Variants in FLT1 observed in about 807,000 individuals in gnomAD.
FLT1 encodes fms related receptor tyrosine kinase 1.
Under a neutral mutation model 156.3 loss-of-function variants are expected in FLT1, and 49 were observed. The ratio of observed to expected loss-of-function variants is 0.31; its 90% CI spans 0.25 to 0.40. FLT1 has a LOEUF of 0.40. Among genes scored for constraint, FLT1 ranks in the 10% least tolerant of loss-of-function variants. The pLI is 1.00. For synonymous variants in FLT1, 594 were observed against 583.8 expected (o/e 1.02, Z -0.25); for missense variants, 1,322 against 1,637.2 (o/e 0.81, Z 3.32).
chr13:28,464,044 G>C (rs571170115), intron 3 of FLT1, among the ~76,000 whole-genome samples: 2 of 152,006 alleles, frequency 1.3e-5, no homozygotes, highest in Non-Finnish European at 2.9e-5. Context: ...GATTCAGAAG[G>C]CTCTTCTATG....
intron 15 of FLT1, among the ~76,000 whole-genome samples, chr13:28,353,970 A>G (rs1011483423): frequency 6.6e-6 from 1 of 152,150 alleles, no homozygotes; most frequent in African/African-American, 2.4e-5. Context: ...TAATTCACCA[A>G]CCTCTTTAAA....
At chr13:28,384,586 G>A (rs1443770088) in intron 14 of FLT1, among the ~76,000 whole-genome samples, 1 of 152,138 alleles carries the variant, frequency 6.6e-6, no homozygotes, top group East Asian at 1.9e-4. Flanking sequence ...CAGCCGTCAT[G>A]GTGAACTGAA....
chr13:28,418,415 A>G (rs907348312), intron 10 of FLT1, among the ~76,000 whole-genome samples: 4 of 152,186 alleles, frequency 2.6e-5, no homozygotes, highest in Non-Finnish European at 5.9e-5. Context: ...ACGACAGACA[A>G]GAGCAAACCT....
intron 13 of FLT1, chr13:28,386,226 A>T: frequency 9.5e-7 from 1 of 1,052,990 alleles, no homozygotes; most frequent in African/African-American, 1.6e-5. Flanking sequence ...GGGTTCTGCC[A>T]CGTCCCAAAA....
chr13:28,338,259 T>G (rs933367927), intron 17 of FLT1, among the ~76,000 whole-genome samples: 1 of 152,098 alleles, frequency 6.6e-6, no homozygotes, highest in African/African-American at 2.4e-5. Context: ...CTGTTGAATT[T>G]GGAACAACAG....
chr13:28,318,788 C>T (rs1359045848), intron 24 of FLT1, among the ~76,000 whole-genome samples: 23 of 152,220 alleles, frequency 1.5e-4, no homozygotes, highest in Admixed American at 1.5e-3. Flanking sequence ...CAGATCATCA[C>T]TGTGTGTCTG....
chr13:28,316,288 G>C (rs1871200293), intron 25 of FLT1, among the ~76,000 whole-genome samples: 2 of 152,210 alleles, frequency 1.3e-5, no homozygotes, highest in South Asian at 4.1e-4. Flanking sequence ...TTGCCCTTTG[G>C]CCAAGCCCAC....
intron 14 of FLT1, among the ~76,000 whole-genome samples, chr13:28,374,458 A>C (rs928381185): frequency 7.9e-5 from 12 of 151,380 alleles, no homozygotes; most frequent in East Asian, 1.9e-4. Flanking sequence ...GAAAAAACCC[A>C]AAAAAACCCT....
At chr13:28,347,561 T>C (rs1872609394) in intron 15 of FLT1, among the ~76,000 whole-genome samples, 1 of 151,924 alleles carries the variant, frequency 6.6e-6, no homozygotes, top group South Asian at 2.1e-4. Context: ...TGGGAAAAGA[T>C]AGGGCAGTAT....
At position 28,363,893 on chromosome 13, in the gene FLT1, C is replaced by T. The variant is rs539423663; in HGVS notation, c.2117-6208G>A. Among the ~76,000 whole-genome samples, 32 of 152,208 alleles carry T rather than the reference C, an allele frequency of 2.1e-4. 1 individual carries two copies. The highest frequency in any genetic ancestry group is 7.2e-4 in the African/African-American group (30 of 41,470). On this transcript the variant is annotated intron_variant, in intron 14 of 29. Coordinates refer to ENST00000282397, the MANE Select transcript of FLT1 (RefSeq NM_002019.4). ...AAAGTGCTGGGATTACAGGGGTGAA[C>T]CACTGCTCCCAGCTCATGCTTTTTA...
intron 1 of FLT1, among the ~76,000 whole-genome samples, chr13:28,473,777 G>GGAAAGAAAGAAAGAAA (rs1224855124): frequency 6.3e-5 from 4 of 63,760 alleles, no homozygotes; most frequent in Non-Finnish European, 6.1e-5. Flanking sequence ...AAGGAAGGAA[G>GGAAAGAAAGAAAGAAA]GAAAGAAAGA....
intron 4 of FLT1, 112 bp downstream of exon 4, chr13:28,438,109 T>G: frequency 9.4e-7 from 1 of 1,066,416 alleles, no homozygotes; most frequent in Non-Finnish European, 1.4e-6. Context: ...GAAAGTCCAC[T>G]GAGAAGCCCA....
At position 28,389,232 on chromosome 13, in the gene FLT1, T is replaced by C. The variant is rs929532684; in HGVS notation, c.1969+564A>G. On this transcript the variant is annotated intron_variant, in intron 13 of 29. Coordinates refer to ENST00000282397, the MANE Select transcript of FLT1 (RefSeq NM_002019.4). Reference sequence around the variant, plus strand: ...TACAAATCAAGAGCAGATGAAATAGTCCCAAATAAAACCAGGCAGAAGTCC... The same window carrying C: ...TACAAATCAAGAGCAGATGAAATAGCCCCAAATAAAACCAGGCAGAAGTCC... The C allele has an allele frequency of 3.6e-6, 4 of 1,118,626 alleles. No individual in the cohort carries two copies. The African/African-American group carries it at 6.4e-5, about 18-fold the overall frequency. 69.3% of individuals were successfully genotyped at this position (1,118,626 alleles called of 1,614,324 possible).
intron 10 of FLT1, among the ~76,000 whole-genome samples, chr13:28,423,057 G>A (rs1009594546): frequency 3.9e-5 from 6 of 152,204 alleles, no homozygotes; most frequent in East Asian, 1.9e-4. Context: ...AAGATCAAGC[G>A]GAGCTCAGTC....
rs776031003 is a variant in FLT1, at chr13:28,434,193, C to T, written c.541G>A (p.Gly181Arg). ...KFPLDTLIPD[G>R]KRIIWDSRKG... ...CTACTGTCCCAGATTATGCGTTTTC[C>T]ATCAGGGATCAAAGTGTCAAGTGGA... The change falls in exon 5 of 30, where the codon GGA (glycine) becomes AGA (arginine). Residue 181 changes from glycine to arginine, a missense_variant. Coordinates refer to ENST00000282397, the MANE Select transcript of FLT1 (RefSeq NM_002019.4). The T allele has an allele frequency of 1.9e-6, 3 of 1,614,060 alleles. No individual in the cohort carries two copies. The Admixed American group carries it at 5.0e-5, about 27-fold the overall frequency.
chr13:28,384,639 AT>A (rs1005725302), intron 14 of FLT1, among the ~76,000 whole-genome samples: 1 of 152,100 alleles, frequency 6.6e-6, no homozygotes, highest in African/African-American at 2.4e-5. Context: ...TGAATGCACT[AT>A]TTAAAGACTT....
rs371308065 is a variant in FLT1 at position 28,319,544 on chromosome 13, G to A, written c.3175-10C>T. The stretch of plus-strand genomic sequence containing the variant: ...TCAGAGGAAGTCGAGTCTAGAAGAG[G>A]GCAAGGGGGCCTTGAGCAGAAGGGC... On this transcript the variant is annotated splice_polypyrimidine_tract_variant and intron_variant, in intron 23 of 29. Coordinates refer to ENST00000282397, the MANE Select transcript of FLT1 (RefSeq NM_002019.4). 1.2e-4 allele frequency: 186 copies of A among 1,550,938 alleles called. No individual in the cohort carries two copies. The African/African-American group carries it at 2.2e-3, about 19-fold the overall frequency.
At chr13:28,395,037 C>T (rs1290106737) in intron 12 of FLT1, among the ~76,000 whole-genome samples, 3 of 152,038 alleles carry the variant, frequency 2.0e-5, no homozygotes, top group African/African-American at 7.2e-5. Context: ...GGGTAAGGGG[C>T]GGAGAGGGGA....
intron 10 of FLT1, 68 bp downstream of exon 10, chr13:28,427,091 A>G: frequency 7.1e-7 from 1 of 1,408,108 alleles, no homozygotes; most frequent in Non-Finnish European, 1.0e-6. Context: ...ATCTGCGTCC[A>G]TTAAAAAATC....
Sources: allele counts gnomAD v4.1 joint callset (sites outside exome capture counted in the v4.1 genomes callset), GRCh38; gene constraint gnomAD v4.1.1; transcripts MANE v1.5; gene names NCBI Gene and HGNC (gene_info 2026-07-23, HGNC 2026-07-21).